PLCE1: variants seen among roughly 807,000 people sequenced by gnomAD.
PLCE1 encodes the protein phospholipase C epsilon 1, also known as 1-phosphatidylinositol 4,5-bisphosphate phosphodiesterase epsilon-1.
A neutral mutation model predicts 242.8 loss-of-function variants in PLCE1; 119 were observed. The ratio of observed to expected loss-of-function variants is 0.49; its 90% CI spans 0.42 to 0.57. The LOEUF (loss-of-function observed/expected upper bound fraction) is 0.57. Among genes scored for constraint, PLCE1 ranks in the 20% least tolerant of loss-of-function variants. PLCE1 has a pLI of 0.00. For missense variants in PLCE1, 2,441 were observed against 2,788.8 expected, an observed-to-expected ratio of 0.88 and a Z score of 2.81; for synonymous variants, 945 against 1,017.4, an observed-to-expected ratio of 0.93 and a Z score of 1.35.
At chr10:94,068,555 A>G (rs7096231) in intron 2 of PLCE1, among the ~76,000 whole-genome samples, 50,021 of 152,048 alleles carry the variant, frequency 0.33, 9,318 homozygotes, top group African/African-American at 0.51. Flanking sequence ...GAACTTAAGC[A>G]TGTGGATTTG....
chr10:94,058,200 GTTGAAATACTTT>G (rs2043957359), intron 2 of PLCE1, among the ~76,000 whole-genome samples: 1 of 152,178 alleles, frequency 6.6e-6, no homozygotes, highest in Non-Finnish European at 1.5e-5. Context: ...GTTACTGCAT[GTTGAAATACTTT>G]TTTAAATTGT....
chr10:94,173,255 G>A (rs2048037080), intron 4 of PLCE1, among the ~76,000 whole-genome samples: 2 of 152,164 alleles, frequency 1.3e-5, no homozygotes, highest in South Asian at 2.1e-4. Flanking sequence ...TGCACTGGGG[G>A]GTGGTGCCTG....
intron 2 of PLCE1, among the ~76,000 whole-genome samples, chr10:94,053,501 T>C (rs971116216): frequency 1.3e-5 from 2 of 152,260 alleles, no homozygotes; most frequent in African/African-American, 4.8e-5. Context: ...TTATAGTCGG[T>C]TGCCCCTCCT....
chr10:94,025,278 G>C (rs866345219), intron 1 of PLCE1, among the ~76,000 whole-genome samples: 1 of 152,090 alleles, frequency 6.6e-6, no homozygotes, highest in Non-Finnish European at 1.5e-5. Flanking sequence ...GCCACATCTA[G>C]CTGTAAGGGA....
chr10:94,190,766 G>T lies in PLCE1; in HGVS notation c.1809+19270G>T, dbSNP rs189135581. On this transcript the variant is annotated intron_variant, in intron 4 of 32. Coordinates refer to ENST00000371380, the MANE Select transcript of PLCE1 (RefSeq NM_016341.4). ...GAAATATCTAGTTTGGTACATGTTG[G>T]TTCTAGGATGAGAGTAAAGTATGAT... Among the ~76,000 whole-genome samples the T allele has an allele frequency of 3.6e-3, 542 of 152,334 alleles. 3 individuals carry two copies. The highest frequency in any genetic ancestry group is 0.011 in the Admixed American group (163 of 15,302).
chr10:94,176,645 C>T (rs1270668133), intron 4 of PLCE1, among the ~76,000 whole-genome samples: 1 of 152,090 alleles, frequency 6.6e-6, no homozygotes, highest in African/African-American at 2.4e-5. Flanking sequence ...AGCTCCATTG[C>T]CGGTGCTAGT....
intron 1 of PLCE1, among the ~76,000 whole-genome samples, chr10:94,011,469 A>G (rs1278685840): frequency 1.3e-5 from 2 of 152,082 alleles, no homozygotes; most frequent in Non-Finnish European, 1.5e-5. Flanking sequence ...CTCACCTCTT[A>G]TGACAGGGAA....
chr10:94,134,578 G>T (rs1235847095), intron 3 of PLCE1, among the ~76,000 whole-genome samples: 1 of 152,110 alleles, frequency 6.6e-6, no homozygotes, highest in East Asian at 1.9e-4. Context: ...TGTTTTACAT[G>T]ACAAATGTAT....
At position 94,297,590 on chromosome 10, in the gene PLCE1, TAAAAAAAAAAAAAAAAAAAAA is replaced by T. The variant is rs71031568; in HGVS notation, c.5168-772_5168-752del. ...AGGCCTGCCCCAAACTTTAAATTTG[TAAAAAAAAAAAAAAAAAAAAA>T]AAAAAAAAAAAAAAAAGTGCAGTAT... On this transcript the variant is annotated intron_variant, in intron 23 of 32. Coordinates refer to ENST00000371380, the MANE Select transcript of PLCE1 (RefSeq NM_016341.4). Among the ~76,000 whole-genome samples, 99 of 56,588 alleles carry T rather than the reference TAAAAAAAAAAAAAAAAAAAAA, an allele frequency of 1.7e-3. 2 individuals are homozygous for T. Among genetic ancestry groups the T allele is most frequent in the Admixed American group, 0.013 (53 of 4,204 alleles). 37.1% of individuals were successfully genotyped at this position (56,588 alleles called of 152,430 possible).
intron 18 of PLCE1, among the ~76,000 whole-genome samples, chr10:94,271,901 C>G (rs2051757572): frequency 6.6e-6 from 1 of 152,104 alleles, no homozygotes; most frequent in South Asian, 2.1e-4. Context: ...GCCGCAAACC[C>G]AGCAAGTTTT....
At chr10:94,146,467 T>C (rs1038285937) in intron 3 of PLCE1, among the ~76,000 whole-genome samples, 3 of 152,190 alleles carry the variant, frequency 2.0e-5, no homozygotes, top group Non-Finnish European at 4.4e-5. Flanking sequence ...TTAGTGCATT[T>C]GAGTGCTCTC....
chr10:94,047,714 C>T (rs1272800925), intron 2 of PLCE1, among the ~76,000 whole-genome samples: 1 of 152,074 alleles, frequency 6.6e-6, no homozygotes, highest in East Asian at 1.9e-4. Context: ...CACCGATGAA[C>T]TTAACAGCCA....
At chr10:94,150,599 A>G (rs2047244678) in intron 3 of PLCE1, among the ~76,000 whole-genome samples, 1 of 152,172 alleles carries the variant, frequency 6.6e-6, no homozygotes, top group South Asian at 2.1e-4. Context: ...GTTTAGGGAA[A>G]TTGATATTCT....
At chr10:94,166,436 C>T (rs1108456) in intron 3 of PLCE1, among the ~76,000 whole-genome samples, 45,324 of 151,978 alleles carry the variant, frequency 0.3, 7,617 homozygotes, top group Non-Finnish European at 0.39. Flanking sequence ...GAGATTCTGC[C>T]GGGTTTTGAT....
intron 2 of PLCE1, among the ~76,000 whole-genome samples, chr10:94,074,182 C>A (rs1417959039): frequency 6.7e-6 from 1 of 149,586 alleles, no homozygotes; most frequent in Admixed American, 6.7e-5. Flanking sequence ...TCATACCAAG[C>A]AGTTCTTTTT....
intron 2 of PLCE1, among the ~76,000 whole-genome samples, chr10:94,071,510 T>TGTTG (rs1413475192): frequency 7.2e-6 from 1 of 139,728 alleles, no homozygotes; most frequent in Admixed American, 7.0e-5. Context: ...TTTTTTTTTT[T>TGTTG]TTTTTTGAGT....
intron 2 of PLCE1, chr10:94,088,965 G>A (rs780981092): frequency 1.1e-5 from 10 of 949,758 alleles, no homozygotes; most frequent in Admixed American, 5.9e-5. Flanking sequence ...ACTCTGGATC[G>A]CAGCCCTCCC....
chr10:94,266,024 CA>C (rs1239706394), intron 16 of PLCE1, 66 bp downstream of exon 16: 13 of 1,486,188 alleles, frequency 8.7e-6, no homozygotes, highest in Admixed American at 3.4e-5. Context: ...CCCCCAAAGT[CA>C]AAAAAACCTG....
intron 3 of PLCE1, among the ~76,000 whole-genome samples, chr10:94,167,505 C>T (rs1304163624): frequency 1.5e-5 from 2 of 133,414 alleles, no homozygotes; most frequent in East Asian, 5.2e-4. Flanking sequence ...ACATAGTAGG[C>T]ACTCTTTTTT....
Sources: gnomAD v4.1 joint callset for allele counts (sites outside exome capture counted in the v4.1 genomes callset) on GRCh38, gnomAD v4.1.1 for gene constraint, MANE v1.5 for transcripts, NCBI Gene and HGNC (gene_info 2026-07-23, HGNC 2026-07-21) for gene names.